The following COL8A1 variants were observed in gnomAD, a reference collection of about 807,000 sequenced individuals.
COL8A1 encodes collagen alpha-1(VIII) chain.
COL8A1 carries 21 observed loss-of-function variants against 42.7 expected under a neutral mutation model. The ratio of observed to expected loss-of-function variants is 0.49; its 90% CI spans 0.35 to 0.71. COL8A1 has a LOEUF of 0.71. Among genes scored for constraint, COL8A1 ranks in the 30% least tolerant of loss-of-function variants. The pLI is 0.01. For synonymous variants in COL8A1, 367 were observed against 369.1 expected (o/e 0.99, Z 0.06); for missense variants, 788 against 962.4 (o/e 0.82, Z 2.40).
intron 1 of COL8A1, among the ~76,000 whole-genome samples, chr3:99,687,861 T>C (rs1939109061): frequency 6.6e-6 from 1 of 152,236 alleles, no homozygotes; most frequent in African/African-American, 2.4e-5. Context: ...ACTGTCACAA[T>C]AGTTCCTTGT....
chr3:99,645,218 G>A (rs1311332451), intron 1 of COL8A1, among the ~76,000 whole-genome samples: 6 of 152,122 alleles, frequency 3.9e-5, no homozygotes, highest in Non-Finnish European at 2.9e-5. Context: ...TCTACTTAGC[G>A]ATTGCCCAGT....
chr3:99,712,191 T>C (rs1460755049), intron 1 of COL8A1, among the ~76,000 whole-genome samples: 1 of 152,144 alleles, frequency 6.6e-6, no homozygotes, highest in Non-Finnish European at 1.5e-5. Context: ...CCAACAACCA[T>C]GAAAAGAAAC....
chr3:99,783,666 A>T (rs1252096264), intron 2 of COL8A1, among the ~76,000 whole-genome samples: 2 of 152,362 alleles, frequency 1.3e-5, no homozygotes, highest in East Asian at 3.9e-4. Flanking sequence ...AGAAACTTAT[A>T]ATCATGATGG....
At chr3:99,707,571 C>T (rs1395204148) in intron 1 of COL8A1, among the ~76,000 whole-genome samples, 2 of 152,286 alleles carry the variant, frequency 1.3e-5, no homozygotes, top group Non-Finnish European at 2.9e-5. Context: ...ACTGGGCTGT[C>T]CCTTGCGTCC....
chr3:99,733,470 A>G (rs1466830704), intron 1 of COL8A1, among the ~76,000 whole-genome samples: 1 of 148,158 alleles, frequency 6.7e-6, no homozygotes, highest in Non-Finnish European at 1.5e-5. Context: ...CCTACAAAGG[A>G]CATGAACTCA....
chr3:99,712,400 G>T (rs1939862503), intron 1 of COL8A1, among the ~76,000 whole-genome samples: 1 of 152,008 alleles, frequency 6.6e-6, no homozygotes, highest in South Asian at 2.1e-4. Context: ...AGGCATGTTG[G>T]CCAAGCCAAT....
chr3:99,791,407 G>C lies in COL8A1; in HGVS notation c.328+397G>C, dbSNP rs368553589. On this transcript the variant is annotated intron_variant, in intron 3 of 3. Transcript: ENST00000652472. ...GACAAGTCAGTCTTCTGAACTAAGA[G>C]AGCAATGTTGTAAGGACCTGCTGTG... Among the ~76,000 whole-genome samples, 129 of 152,322 alleles carry C rather than the reference G, an allele frequency of 8.5e-4. 1 individual carries two copies. The highest frequency in any genetic ancestry group is 4.8e-4 in the African/African-American group (20 of 41,578).
intron 2 of COL8A1, among the ~76,000 whole-genome samples, chr3:99,751,374 A>G (rs894933603): frequency 6.6e-6 from 1 of 152,192 alleles, no homozygotes. Context: ...CCTGGCCAAC[A>G]TGGCGAAACC....
chr3:99,720,379 AC>A, intron 1 of COL8A1, among the ~76,000 whole-genome samples: 1 of 152,140 alleles, frequency 6.6e-6, no homozygotes, highest in East Asian at 1.9e-4. Context: ...TAGATATGGA[AC>A]AAAAAAGTTC....
chr3:99,708,847 C>CTTTTCTTTCTTTCTATTT (rs1939755185), intron 1 of COL8A1, among the ~76,000 whole-genome samples: 1 of 151,918 alleles, frequency 6.6e-6, no homozygotes. Flanking sequence ...GGGGTGCATA[C>CTTTTCTTTCTTTCTATTT]TTTTCTTTCT....
At chr3:99,790,600 C>T (rs1004524386) in intron 2 of COL8A1, 80 bp from the exon 3 acceptor site, 13 of 1,125,126 alleles carry the variant, frequency 1.2e-5, no homozygotes, top group Non-Finnish European at 1.5e-5. Context: ...CCTTTTTTTT[C>T]CCCATTCTAT....
chr3:99,711,700 G>A (rs1939840298), intron 1 of COL8A1, among the ~76,000 whole-genome samples: 1 of 152,140 alleles, frequency 6.6e-6, no homozygotes, highest in South Asian at 2.1e-4. Flanking sequence ...CGGCTTAGCA[G>A]CAAATTGATG....
intron 1 of COL8A1, among the ~76,000 whole-genome samples, chr3:99,653,417 G>GT (rs1157523797): frequency 6.6e-6 from 1 of 151,892 alleles, no homozygotes; most frequent in Non-Finnish European, 1.5e-5. Flanking sequence ...GTTGTGTTTT[G>GT]TTTAATTGTT....
chr3:99,736,908 T>G (rs1468091655), intron 1 of COL8A1, among the ~76,000 whole-genome samples: 1 of 152,222 alleles, frequency 6.6e-6, no homozygotes, highest in Non-Finnish European at 1.5e-5. Context: ...TTATGAATCT[T>G]GGTCCTCCTG....
At chr3:99,707,628 G>A (rs1939717545) in intron 1 of COL8A1, among the ~76,000 whole-genome samples, 1 of 152,220 alleles carries the variant, frequency 6.6e-6, no homozygotes. Flanking sequence ...AGGGAAGACA[G>A]AGGATCTACA....
intron 1 of COL8A1, among the ~76,000 whole-genome samples, chr3:99,669,725 G>C (rs1324136523): frequency 6.6e-6 from 1 of 151,998 alleles, no homozygotes; most frequent in Non-Finnish European, 1.5e-5. Context: ...AAAGATAGGA[G>C]AGACAAAATT....
chr3:99,779,107 T>TGTTTGAGATTTATTTGGC (rs1941746526), intron 2 of COL8A1, among the ~76,000 whole-genome samples: 1 of 152,188 alleles, frequency 6.6e-6, no homozygotes, highest in Non-Finnish European at 1.5e-5. Flanking sequence ...GGCTAAATAT[T>TGTTTGAGATTTATTTGGC]GTTTGAGATT....
chr3:99,680,497 T>C (rs1241180563), intron 1 of COL8A1: 2 of 152,326 alleles, frequency 1.3e-5, no homozygotes, highest in Non-Finnish European at 2.9e-5. Flanking sequence ...TTATAATCCT[T>C]TGGGTATATA....
At chr3:99,786,274 T>A in intron 2 of COL8A1, among the ~76,000 whole-genome samples, 1 of 152,192 alleles carries the variant, frequency 6.6e-6, no homozygotes, top group Non-Finnish European at 1.5e-5. Flanking sequence ...CAAATTCATA[T>A]GTTAAAATAT....
Sources: gnomAD v4.1 joint callset for allele counts (sites outside exome capture counted in the v4.1 genomes callset) on GRCh38, gnomAD v4.1.1 for gene constraint, MANE v1.5 for transcripts, NCBI Gene and HGNC (gene_info 2026-07-23, HGNC 2026-07-21) for gene names.